The following AUTS2 variants were observed in gnomAD, a reference collection of about 807,000 sequenced individuals.
AUTS2 encodes activator of transcription and developmental regulator AUTS2.
AUTS2 carries 17 observed loss-of-function variants against 112.4 expected under a neutral mutation model. That is an observed-to-expected ratio of 0.15 (90% CI 0.10 to 0.23). The LOEUF is 0.23. Ranked by LOEUF, AUTS2 falls within the 10% of genes least tolerant of loss-of-function variation. The probability of loss-of-function intolerance (pLI) is 1.00; values close to 1 mark genes in which losing one functional copy is unlikely to be tolerated. For missense variants in AUTS2, 1,510 were observed against 1,701.6 expected (o/e 0.89, Z 1.98); for synonymous variants, 751 against 702.7 (o/e 1.07, Z -1.09).
At chr7:69,837,262 T>C (rs1791768381) in intron 1 of AUTS2, among the ~76,000 whole-genome samples, 1 of 152,208 alleles carries the variant, frequency 6.6e-6, no homozygotes, top group South Asian at 2.1e-4. Context: ...ACATCAATAA[T>C]GATGTAAGTT....
chr7:70,695,325 C>T (rs1809025578), intron 5 of AUTS2, among the ~76,000 whole-genome samples: 2 of 152,346 alleles, frequency 1.3e-5, no homozygotes, highest in South Asian at 4.1e-4. Flanking sequence ...TGGCGTTCGC[C>T]GCCAAGCTCC....
chr7:70,734,841 T>G (rs1419298933), intron 6 of AUTS2, among the ~76,000 whole-genome samples: 1 of 152,170 alleles, frequency 6.6e-6, no homozygotes, highest in East Asian at 1.9e-4. Flanking sequence ...CTAAAGAGGT[T>G]GTTATGAGAC....
chr7:69,685,996 C>T (rs1797049651), intron 1 of AUTS2, among the ~76,000 whole-genome samples: 1 of 152,048 alleles, frequency 6.6e-6, no homozygotes, highest in Admixed American at 6.5e-5. Flanking sequence ...ACAAGGGAGT[C>T]CATGCCTTCT....
intron 5 of AUTS2, among the ~76,000 whole-genome samples, chr7:70,460,587 G>A (rs773820327): frequency 6.6e-6 from 1 of 151,960 alleles, no homozygotes; most frequent in South Asian, 2.1e-4. Flanking sequence ...CTGACCTCAG[G>A]TGATCCACCC....
chr7:70,261,733 C>T (rs1428175860), intron 4 of AUTS2, among the ~76,000 whole-genome samples: 1 of 152,170 alleles, frequency 6.6e-6, no homozygotes, highest in Admixed American at 6.5e-5. Flanking sequence ...CTCCTCCCTA[C>T]AGTTGTTATC....
intron 5 of AUTS2, among the ~76,000 whole-genome samples, chr7:70,625,091 CA>C (rs1427374487): frequency 1.3e-5 from 2 of 152,132 alleles, no homozygotes; most frequent in African/African-American, 4.8e-5. Flanking sequence ...AATCATCTTT[CA>C]CGTTCTAGGA....
chr7:70,326,636 G>A (rs374905118), intron 4 of AUTS2, among the ~76,000 whole-genome samples: 9 of 152,230 alleles, frequency 5.9e-5, no homozygotes, highest in East Asian at 3.9e-4. Context: ...TTTATGGATC[G>A]TCTTTCTAAT....
intron 4 of AUTS2, among the ~76,000 whole-genome samples, chr7:70,379,123 A>T (rs1793251505): frequency 1.3e-5 from 2 of 152,100 alleles, no homozygotes; most frequent in African/African-American, 4.8e-5. Context: ...TGGGATAGGT[A>T]CTGTGCCTTC....
At chr7:70,696,379 C>G (rs1168845439) in intron 5 of AUTS2, among the ~76,000 whole-genome samples, 1 of 152,158 alleles carries the variant, frequency 6.6e-6, no homozygotes, top group African/African-American at 2.4e-5. Flanking sequence ...GGAGGCCTTT[C>G]TGAGACACCC....
At chr7:69,752,407 TTTC>T (rs1175388611) in intron 1 of AUTS2, among the ~76,000 whole-genome samples, 1 of 152,244 alleles carries the variant, frequency 6.6e-6, no homozygotes, top group Non-Finnish European at 1.5e-5. Context: ...AATTAGTCTT[TTTC>T]TTCTTTATAC....
intron 5 of AUTS2, among the ~76,000 whole-genome samples, chr7:70,618,139 C>G (rs1037521308): frequency 6.6e-6 from 1 of 152,200 alleles, no homozygotes; most frequent in African/African-American, 2.4e-5. Context: ...TGCACACTTA[C>G]CAATTAACAG....
chr7:69,678,881 G>A (rs1320888638), intron 1 of AUTS2, among the ~76,000 whole-genome samples: 1 of 152,202 alleles, frequency 6.6e-6, no homozygotes, highest in Non-Finnish European at 1.5e-5. Flanking sequence ...GAGAGATGCT[G>A]ACTCCTTCTG....
intron 1 of AUTS2, among the ~76,000 whole-genome samples, chr7:69,838,568 C>T (rs1160365819): frequency 1.3e-5 from 2 of 152,216 alleles, no homozygotes; most frequent in Non-Finnish European, 2.9e-5. Flanking sequence ...TGTATCACTA[C>T]ACTGTAGCTT....
chr7:70,105,293 C>T (rs1169061694), intron 2 of AUTS2, among the ~76,000 whole-genome samples: 2 of 152,116 alleles, frequency 1.3e-5, no homozygotes, highest in African/African-American at 4.8e-5. Context: ...TGGGGTCTTA[C>T]TCTGTCACCC....
chr7:70,781,607 C>A lies in AUTS2; in HGVS notation c.2005-8C>A. The stretch of plus-strand genomic sequence containing the variant: ...CTTGGGACCCTTACTGTTCCCCTTG[C>A]TGTGTAGAAACAGATGCAGTCAGAC... On this transcript the variant is annotated splice_region_variant and splice_polypyrimidine_tract_variant and intron_variant, in intron 14 of 18. Transcript: ENST00000342771. 1 of 1,613,822 alleles carries A rather than the reference C, an allele frequency of 6.2e-7. No individual in the cohort carries two copies. The highest frequency in any genetic ancestry group is 8.5e-7 in the Non-Finnish European group (1 of 1,179,864).
At chr7:70,611,143 T>C (rs1232572411) in intron 5 of AUTS2, among the ~76,000 whole-genome samples, 3 of 152,236 alleles carry the variant, frequency 2.0e-5, no homozygotes, top group Non-Finnish European at 1.5e-5. Context: ...AGTTGATTCT[T>C]TCACACGGTG....
intron 1 of AUTS2, among the ~76,000 whole-genome samples, chr7:69,784,727 T>A (rs1789289553): frequency 6.6e-6 from 1 of 152,056 alleles, no homozygotes; most frequent in Non-Finnish European, 1.5e-5. Flanking sequence ...GAATAGGAGG[T>A]TTTCTTTCTG....
chr7:70,781,520 G>A, intron 14 of AUTS2, 95 bp from the exon 15 acceptor site: 16 of 1,452,880 alleles, frequency 1.1e-5, no homozygotes, highest in Middle Eastern at 3.6e-4. Context: ...TTGAACCCAA[G>A]TGCACCGTTC....
rs552635198 is a variant in AUTS2, at chr7:70,001,970, C to T, written c.522+102472C>T. Among the ~76,000 whole-genome samples, 9 of 152,266 alleles carry T rather than the reference C, an allele frequency of 5.9e-5. No individual in the cohort carries two copies. The South Asian group carries it at 1.9e-3, about 32-fold the overall frequency. On this transcript the variant is annotated intron_variant, in intron 2 of 18. Coordinates refer to ENST00000342771, the MANE Select transcript of AUTS2 (RefSeq NM_015570.4). The stretch of plus-strand genomic sequence containing the variant: ...AGGTGATCTGCCTACCTTGGCCTCC[C>T]AAAGTGCTGAGATTACAGGCGTGAG...
Sources: allele counts gnomAD v4.1 joint callset (sites outside exome capture counted in the v4.1 genomes callset), GRCh38; gene constraint gnomAD v4.1.1; transcripts MANE v1.5; gene names NCBI Gene and HGNC (gene_info 2026-07-23, HGNC 2026-07-21).